The following ATP6V1B1 variants were observed in gnomAD, a reference collection of about 807,000 sequenced individuals.
ATP6V1B1 encodes the protein V-type proton ATPase subunit B, kidney isoform.
In ATP6V1B1, 41 loss-of-function variants were observed where a neutral mutation model predicts 62.1. The ratio of observed to expected loss-of-function variants is 0.66; its 90% confidence interval spans 0.51 to 0.86. The LOEUF (loss-of-function observed/expected upper bound fraction) is 0.86, where lower values mean the gene tolerates loss of function less well. ATP6V1B1 is among the 40% of genes least tolerant of loss of function. The pLI is 0.00. For synonymous variants in ATP6V1B1, 253 were observed against 273.4 expected (o/e 0.93, Z 0.74); for missense variants, 651 against 697.5 (o/e 0.93, Z 0.75).
chr2:70,955,254 T>C (rs1236619034), intron 2 of ATP6V1B1, among the ~76,000 whole-genome samples: 6 of 152,334 alleles, frequency 3.9e-5, no homozygotes, highest in African/African-American at 1.4e-4. Flanking sequence ...TGCAGTGGCA[T>C]GATCATGGCT....
intron 1 of ATP6V1B1, chr2:70,939,878 T>A (rs11678537): frequency 0.49 from 74,136 of 152,186 alleles, 18,296 homozygotes; most frequent in East Asian, 0.66. Flanking sequence ...TCTGCAATGA[T>A]GGGTCCAGGC....
At chr2:70,952,363 TGAA>T (rs1203655999) in intron 2 of ATP6V1B1, among the ~76,000 whole-genome samples, 7 of 151,530 alleles carry the variant, frequency 4.6e-5, no homozygotes, top group Non-Finnish European at 8.8e-5. Flanking sequence ...CTTGAGAGGC[TGAA>T]GAAGGAGAAT....
intron 2 of ATP6V1B1, among the ~76,000 whole-genome samples, chr2:70,957,087 C>CTTT (rs56407020): frequency 6.4e-4 from 80 of 125,068 alleles, no homozygotes; most frequent in Non-Finnish European, 1.0e-3. Context: ...AGTTCTTCTT[C>CTTT]TTTTTTTTTT....
intron 2 of ATP6V1B1, chr2:70,947,567 G>T (rs1481860891): frequency 6.6e-6 from 1 of 152,234 alleles, no homozygotes; most frequent in East Asian, 1.9e-4. Context: ...AATGTCTGTG[G>T]CTGCTTTCAA....
rs184759817 is a variant in ATP6V1B1 at position 70,956,225 on chromosome 2, C to T, written c.175-1821C>T. 3.3e-4 allele frequency: 73 copies of T among 223,402 alleles called. 1 individual carries two copies. The East Asian group carries it at 7.9e-3, about 24-fold the overall frequency. 13.8% of individuals were successfully genotyped at this position (223,402 alleles called of 1,614,324 possible). A position where few individuals can be genotyped will look rare whatever the true frequency, so the allele number is the denominator to read the frequency against. On this transcript the variant is annotated intron_variant, in intron 2 of 13. Coordinates refer to ENST00000234396, the MANE Select transcript of ATP6V1B1 (RefSeq NM_001692.4). ...TCATAGCCACCATAGGTTTTCTCCT[C>T]TCCATCCATTTTGTTCTTATGAAAT...
chr2:70,958,049 G>T lies in ATP6V1B1; in HGVS notation c.178G>T (p.Ala60Ser). The T allele has an allele frequency of 6.2e-7, 1 of 1,613,852 alleles. No individual in the cohort carries two copies. Among genetic ancestry groups the T allele is most frequent in the Non-Finnish European group, 8.5e-7 (1 of 1,179,930 alleles). The change falls in exon 3 of 14, where the codon GCC becomes TCC. Residue 60 changes from alanine to serine, a missense_variant. Transcript: ENST00000234396. The stretch of plus-strand genomic sequence containing the variant: ...GGCTGCTCTCCCCTCCTGCCAGTTT[G>T]CCCAGTATGCGGAGATCGTCCACTT... ...PLVVLDRVKF[A>S]QYAEIVHFTL...
At chr2:70,954,877 T>G (rs1385252026) in intron 2 of ATP6V1B1, among the ~76,000 whole-genome samples, 1 of 152,160 alleles carries the variant, frequency 6.6e-6, no homozygotes, top group Non-Finnish European at 1.5e-5. Flanking sequence ...TGCAATGCGT[T>G]TGCTCCAGGA....
intron 1 of ATP6V1B1, among the ~76,000 whole-genome samples, chr2:70,937,258 A>C (rs1282192318): frequency 6.6e-6 from 1 of 152,026 alleles, no homozygotes; most frequent in Non-Finnish European, 1.5e-5. Context: ...CTCTGTTGCT[A>C]TCCAGGCCAG....
At chr2:70,942,575 C>T (rs2266917) in intron 1 of ATP6V1B1, 281,090 of 394,354 alleles carry the variant, frequency 0.71, 100,878 homozygotes, top group South Asian at 0.83. Context: ...GTAAGTGAAC[C>T]GAGAACCAGT....
At chr2:70,938,826 G>A (rs1229712915) in intron 1 of ATP6V1B1, 39 of 982,478 alleles carry the variant, frequency 4.0e-5, no homozygotes, top group African/African-American at 7.0e-5. Flanking sequence ...CAAAGGTCAG[G>A]AAGGACAAGC....
intron 1 of ATP6V1B1, chr2:70,940,333 CTCCCA>C: frequency 1.1e-6 from 1 of 907,168 alleles, no homozygotes; most frequent in Non-Finnish European, 1.3e-6. Flanking sequence ...GCCCCATCCC[CTCCCA>C]CACCCCCACC....
At chr2:70,941,673 T>C (rs1680007796) in intron 1 of ATP6V1B1, 7 of 953,038 alleles carry the variant, frequency 7.3e-6, no homozygotes, top group Non-Finnish European at 8.7e-6. Context: ...GCTTAGTACA[T>C]AGAAGGCATC....
chr2:70,941,985 C>G (rs576080921), intron 1 of ATP6V1B1: 92 of 1,026,156 alleles, frequency 9.0e-5, no homozygotes, highest in East Asian at 2.4e-4. Flanking sequence ...GGGGGCCATG[C>G]TTGTGAGGGG....
chr2:70,958,681 GAGCCA>G (rs879949721), intron 4 of ATP6V1B1, among the ~76,000 whole-genome samples: 8 of 152,162 alleles, frequency 5.3e-5, no homozygotes, highest in Non-Finnish European at 1.2e-4. Context: ...CACCTATTTG[GAGCCA>G]GGCTGAAAGG....
chr2:70,953,396 A>G (rs1553418572), intron 2 of ATP6V1B1, among the ~76,000 whole-genome samples: 5 of 152,042 alleles, frequency 3.3e-5, no homozygotes. Context: ...ACTTTTTTCA[A>G]AATGTTTTTA....
chr2:70,950,930 T>G (rs532924814), intron 2 of ATP6V1B1, among the ~76,000 whole-genome samples: 1 of 139,330 alleles, frequency 7.2e-6, no homozygotes, highest in Non-Finnish European at 1.5e-5. Context: ...AATTTTTTCC[T>G]GATTTTTTTT....
intron 2 of ATP6V1B1, chr2:70,947,771 T>G (rs1317098504): frequency 1.3e-5 from 2 of 152,286 alleles, no homozygotes; most frequent in Admixed American, 1.3e-4. Flanking sequence ...AGAGCTCAGT[T>G]GAATCTCCAG....
In ATP6V1B1 at chr2:70,942,038, A is replaced by G. The variant is rs1680017062; in HGVS notation, c.119-1620A>G. Reference sequence around the variant, plus strand: ...TGGGACTGAGCGAGGTTTATTTTGTACTGGAAACATCAGAGCTTCATGGGA... The same window carrying G: ...TGGGACTGAGCGAGGTTTATTTTGTGCTGGAAACATCAGAGCTTCATGGGA... On this transcript the variant is annotated intron_variant, in intron 1 of 13. Coordinates refer to ENST00000234396, the MANE Select transcript of ATP6V1B1 (RefSeq NM_001692.4). The G allele has an allele frequency of 4.5e-6, 5 of 1,117,782 alleles. No individual in the cohort carries two copies. The African/African-American group carries it at 6.4e-5, about 14-fold the overall frequency. The allele number at this position is 1,117,782 out of a possible 1,614,324, so 69.2% of individuals were successfully genotyped here.
chr2:70,960,971 T>C lies in ATP6V1B1; in HGVS notation c.636T>C (p.Ala212=). ...CGGGGCTGGTGAAGAAGTCCAAGGC[T>C]GTGCTGGATTACCATGACGACAACT... ...RQAGLVKKSK[A]VLDYHDDNFA... Residue 212 remains alanine, a synonymous_variant, in exon 7 of 14, where the codon GCT becomes GCC. Transcript: ENST00000234396. 1 of 1,607,344 alleles carries C rather than the reference T, an allele frequency of 6.2e-7. No homozygotes were observed. Among genetic ancestry groups the C allele is most frequent in the Non-Finnish European group, 8.5e-7 (1 of 1,176,932 alleles).
Sources: allele counts gnomAD v4.1 joint callset (sites outside exome capture counted in the v4.1 genomes callset), GRCh38; gene constraint gnomAD v4.1.1; transcripts MANE v1.5; gene names NCBI Gene and HGNC (gene_info 2026-07-23, HGNC 2026-07-21).